Variants in XKR3 observed in about 807,000 individuals in gnomAD.
The protein encoded by XKR3 is XK related 3.
XKR3 carries 27 observed loss-of-function variants against 40.3 expected under a neutral mutation model. The observed-to-expected ratio is 0.67, with a 90% CI of 0.49 to 0.92. The LOEUF (loss-of-function observed/expected upper bound fraction) is 0.92. XKR3 is among the 40% of genes least tolerant of loss of function. XKR3 has a pLI of 0.00. For missense variants in XKR3, 472 were observed against 537.6 expected (o/e 0.88, Z 1.21); for synonymous variants, 193 against 195.4 (o/e 0.99, Z 0.10).
chr22:16,812,938 C>T (rs1470335659), intron 1 of XKR3, among the ~76,000 whole-genome samples: 1 of 152,054 alleles, frequency 6.6e-6, no homozygotes, highest in Non-Finnish European at 1.5e-5. Context: ...TGACTTACAG[C>T]CTTTTGTTGT....
intron 3 of XKR3, among the ~76,000 whole-genome samples, chr22:16,784,845 G>A (rs1342584032): frequency 6.6e-6 from 1 of 152,196 alleles, no homozygotes; most frequent in African/African-American, 2.4e-5. Flanking sequence ...TAGGAAGTTA[G>A]CATGTGAAAT....
rs142077878 is a variant in XKR3, at chr22:16,802,277, A to G, written c.336-2253T>C. On this transcript the variant is annotated intron_variant, in intron 2 of 3. Coordinates refer to ENST00000684488, the MANE Select transcript of XKR3 (RefSeq NM_001386955.1). Reference sequence around the variant, plus strand: ...CCAAATAGAAAACAGTTTTTCTCCCATCCCTTGTCTTTCATTATCTTATAT... The same window carrying G: ...CCAAATAGAAAACAGTTTTTCTCCCGTCCCTTGTCTTTCATTATCTTATAT... 3.7e-3 allele frequency among the ~76,000 whole-genome samples: 561 copies of G among 152,248 alleles called. 4 individuals are homozygous for G. The highest frequency in any genetic ancestry group is 0.013 in the African/African-American group (535 of 41,552).
intron 1 of XKR3, among the ~76,000 whole-genome samples, chr22:16,823,925 C>A (rs1478979099): frequency 5.3e-5 from 8 of 151,818 alleles, no homozygotes; most frequent in African/African-American, 1.5e-4. Context: ...GCTGCTGAAA[C>A]AAGTGAATGA....
rs1297968389 is a variant in XKR3 at position 16,784,292 on chromosome 22, A to T, written c.707T>A (p.Phe236Tyr). The T allele has an allele frequency of 6.2e-7, 1 of 1,614,194 alleles. No homozygotes were observed. Residue 236 changes from phenylalanine (F) to tyrosine (Y), a missense_variant, in exon 4 of 4, where the codon TTC becomes TAC. Coordinates refer to ENST00000684488, the MANE Select transcript of XKR3 (RefSeq NM_001386955.1). ...TTIKLPPIEF[F>Y]CVVMWRFLEV... Reference sequence around the variant, plus strand: ...CAAAAAACGCCACATCACGACACAGAAGAATTCTATCGGCGGTAGCTTAAT... The same window carrying T: ...CAAAAAACGCCACATCACGACACAGTAGAATTCTATCGGCGGTAGCTTAAT...
chr22:16,796,162 G>A (rs1189474277), intron 3 of XKR3, among the ~76,000 whole-genome samples: 18 of 152,048 alleles, frequency 1.2e-4, no homozygotes, highest in Non-Finnish European at 2.5e-4. Context: ...AGAAGAGATT[G>A]AAACTGAATA....
At chr22:16,789,308 C>T (rs4286363) in intron 3 of XKR3, among the ~76,000 whole-genome samples, 62,032 of 151,834 alleles carry the variant, frequency 0.41, 12,918 homozygotes, top group Middle Eastern at 0.51. Flanking sequence ...GAAAATCAGT[C>T]AAGTTTCAGT....
chr22:16,788,606 A>G (rs1266631944), intron 3 of XKR3, among the ~76,000 whole-genome samples: 1 of 152,118 alleles, frequency 6.6e-6, no homozygotes, highest in Non-Finnish European at 1.5e-5. Context: ...AAAATAAAAA[A>G]AAGAAGATAT....
At chr22:16,811,423 G>A (rs2060212270) in intron 1 of XKR3, among the ~76,000 whole-genome samples, 2 of 152,110 alleles carry the variant, frequency 1.3e-5, no homozygotes, top group African/African-American at 4.8e-5. Flanking sequence ...ACCGTGGCTG[G>A]CCTGATCTTT....
chr22:16,816,739 C>T (rs895600531), intron 1 of XKR3, among the ~76,000 whole-genome samples: 1 of 151,812 alleles, frequency 6.6e-6, no homozygotes, highest in Non-Finnish European at 1.5e-5. Flanking sequence ...TGCCTTTTGG[C>T]CCTTCTATAC....
At chr22:16,800,156 A>T in intron 2 of XKR3, 132 bp from the exon 3 acceptor site, 1 of 1,008,420 alleles carries the variant, frequency 9.9e-7, no homozygotes, top group East Asian at 2.6e-5. Context: ...TAACTTAATC[A>T]CACTGGATAA....
At chr22:16,800,119 G>A in intron 2 of XKR3, 95 bp from the exon 3 acceptor site, 3 of 1,389,350 alleles carry the variant, frequency 2.2e-6, no homozygotes, top group Admixed American at 2.4e-5. Flanking sequence ...TCTTAATTTT[G>A]AAATTATACT....
intron 1 of XKR3, among the ~76,000 whole-genome samples, chr22:16,819,835 G>A (rs751172457): frequency 6.6e-6 from 1 of 152,060 alleles, no homozygotes; most frequent in Non-Finnish European, 1.5e-5. Flanking sequence ...ATGTGCAGAT[G>A]GAAGAAAGCA....
intron 3 of XKR3, among the ~76,000 whole-genome samples, chr22:16,798,509 A>G (rs1330663912): frequency 6.6e-6 from 1 of 152,216 alleles, no homozygotes; most frequent in African/African-American, 2.4e-5. Context: ...TCTAGGTCCA[A>G]GACACATACA....
At chr22:16,818,628 T>C (rs1179041066) in intron 1 of XKR3, among the ~76,000 whole-genome samples, 1 of 152,056 alleles carries the variant, frequency 6.6e-6, no homozygotes, top group African/African-American at 2.4e-5. Flanking sequence ...TCTGCAGCCA[T>C]GTACAGAGAC....
At chr22:16,816,473 T>G (rs1235437408) in intron 1 of XKR3, among the ~76,000 whole-genome samples, 1 of 151,818 alleles carries the variant, frequency 6.6e-6, no homozygotes, top group Non-Finnish European at 1.5e-5. Context: ...TTAGTTGATA[T>G]TTTTTTCCTA....
chr22:16,796,542 G>A lies in XKR3; in HGVS notation c.589+3229C>T, dbSNP rs554335330. Among the ~76,000 whole-genome samples, 75 of 152,276 alleles carry A rather than the reference G, an allele frequency of 4.9e-4. 1 individual carries two copies. The South Asian group carries it at 0.015, about 30-fold the overall frequency. On this transcript the variant is annotated intron_variant, in intron 3 of 3. Transcript: ENST00000684488. ...GTAGGCTTTCTTCCTGGAATGCAAAGCTGGCTCAACATGTCCAAATCAATA... is the reference window on the plus strand; with the variant it reads ...GTAGGCTTTCTTCCTGGAATGCAAAACTGGCTCAACATGTCCAAATCAATA...
intron 3 of XKR3, among the ~76,000 whole-genome samples, chr22:16,793,315 G>A (rs2060128251): frequency 1.3e-5 from 2 of 152,268 alleles, no homozygotes; most frequent in African/African-American, 2.4e-5. Context: ...CCTGGCCCTC[G>A]TGACTATTTT....
rs372444373 is a variant in XKR3, at chr22:16,784,521, A to G, written c.590-112T>C. On this transcript the variant is annotated intron_variant, in intron 3 of 3. Coordinates refer to ENST00000684488, the MANE Select transcript of XKR3 (RefSeq NM_001386955.1). ...ATTCTTCCTCACCCACCTCCTTTAG[A>G]AAATCATTTACTTATAAAAAGAAAG... 1.5e-5 allele frequency: 15 copies of G among 994,514 alleles called. No individual in the cohort carries two copies. The African/African-American group carries it at 2.0e-4, about 13-fold the overall frequency. The allele number at this position is 994,514 out of a possible 1,614,324, so 61.6% of individuals were successfully genotyped here.
chr22:16,783,826 G>T lies in XKR3; in HGVS notation c.1173C>A (p.Gly391=), dbSNP rs1601837114. 1 of 1,614,138 alleles carries T rather than the reference G, an allele frequency of 6.2e-7. No individual in the cohort carries two copies. Among genetic ancestry groups the T allele is most frequent in the East Asian group, 2.2e-5 (1 of 44,876 alleles). ...QLIISYLLAT[G]FMLLFYQYLY... ...AATACTGATAGAAGAGGAGCATAAA[G>T]CCAGTGGCCAATAGGTAGCTTATGA... The change falls in exon 4 of 4, where the codon GGC becomes GGA. Residue 391 remains glycine, a synonymous_variant. Coordinates refer to ENST00000684488, the MANE Select transcript of XKR3 (RefSeq NM_001386955.1).
Sources: gnomAD v4.1 joint callset for allele counts (sites outside exome capture counted in the v4.1 genomes callset) on GRCh38, gnomAD v4.1.1 for gene constraint, MANE v1.5 for transcripts, NCBI Gene and HGNC (gene_info 2026-07-23, HGNC 2026-07-21) for gene names.